CCDC180: variants seen among roughly 807,000 people sequenced by gnomAD.
CCDC180 encodes the protein coiled-coil domain-containing protein 180.
A neutral mutation model predicts 209.2 loss-of-function variants in CCDC180; 154 were observed. The ratio of observed to expected loss-of-function variants is 0.74; its 90% CI spans 0.65 to 0.84. CCDC180 has a LOEUF of 0.84. Ranked by LOEUF, CCDC180 falls within the 40% of genes least tolerant of loss-of-function variation. The pLI is 0.00. For synonymous variants in CCDC180, 778 were observed against 749.1 expected, an observed-to-expected ratio of 1.04 and a Z score of -0.63; for missense variants, 1,874 against 1,997.3, an observed-to-expected ratio of 0.94 and a Z score of 1.18.
rs1827292172 is a variant in CCDC180 at position 97,377,568 on chromosome 9, C to T, written c.*674C>T. On this transcript the variant is annotated 3_prime_UTR_variant, in exon 37 of 37. Coordinates refer to ENST00000529487, the MANE Select transcript of CCDC180 (RefSeq NM_020893.6). ...TGGACAGGTTTCCTCAGCCATAGAC[C>T]TAGGAGGCCCCAGCTCCCAAATTTC... is the stretch of plus-strand genomic sequence containing the variant. 6.6e-6 allele frequency: 1 copy of T among 152,274 alleles called. No homozygotes were observed. Among genetic ancestry groups the T allele is most frequent in the Non-Finnish European group, 1.5e-5 (1 of 68,130 alleles). The allele number at this position is 152,274 out of a possible 1,614,324, so 9.4% of individuals were successfully genotyped here.
intron 19 of CCDC180, chr9:97,345,600 C>T (rs747993944): frequency 9.4e-6 from 4 of 423,968 alleles, no homozygotes; most frequent in South Asian, 6.8e-5. Flanking sequence ...ATTATATATT[C>T]TGTAGCCGGG....
chr9:97,371,887 A>G, intron 34 of CCDC180, 181 bp downstream of exon 34: 2 of 450,774 alleles, frequency 4.4e-6, no homozygotes, highest in Non-Finnish European at 8.1e-6. Context: ...CAGATGGCTC[A>G]ACGTTTATAT....
At position 97,318,602 on chromosome 9, in the gene CCDC180, C is replaced by G. The variant is rs1206804161; in HGVS notation, c.1079+20C>G. On this transcript the variant is annotated intron_variant, in intron 10 of 36. Transcript: ENST00000529487. ...CATCTGGTATGGGCAGGAGGGGCGGCCCAGGAGGGGTGCTTCTTGGGGTGC... is the reference window on the plus strand; with the variant it reads ...CATCTGGTATGGGCAGGAGGGGCGGGCCAGGAGGGGTGCTTCTTGGGGTGC... 1 of 1,608,940 alleles carries G rather than the reference C, an allele frequency of 6.2e-7. No individual in the cohort carries two copies. The highest frequency in any genetic ancestry group is 2.2e-5 in the East Asian group (1 of 44,786).
intron 11 of CCDC180, 115 bp from the exon 12 acceptor site, chr9:97,322,718 C>A: frequency 2.4e-6 from 2 of 850,986 alleles, no homozygotes; most frequent in Non-Finnish European, 3.9e-6. Flanking sequence ...GACCACTGAT[C>A]TTCACCTAAA....
In CCDC180 at chr9:97,328,109, T is replaced by A; in HGVS notation, c.1751T>A (p.Leu584His). The change falls in exon 16 of 37, where the codon CTC (leucine) becomes CAC (histidine). Residue 584 changes from leucine to histidine, a missense_variant. Transcript: ENST00000529487. ...GAACTCAACTCCTACAGCTCTGCCC[T>A]CAGCCAATACTTCTTTGTGCGTGAA... ...LKELNSYSSALSQYFFVREIF... is the reference protein window; with the variant it reads ...LKELNSYSSAHSQYFFVREIF... 6.2e-7 allele frequency: 1 copy of A among 1,614,042 alleles called. No homozygotes were observed. Among genetic ancestry groups the A allele is most frequent in the Non-Finnish European group, 8.5e-7 (1 of 1,179,950 alleles).
intron 27 of CCDC180, 139 bp downstream of exon 27, chr9:97,362,037 GCTTCCCCACCC>G (rs1826769860): frequency 1.5e-6 from 2 of 1,373,794 alleles, no homozygotes; most frequent in Non-Finnish European, 2.0e-6. Flanking sequence ...CAGGCAAAGG[GCTTCCCCACCC>G]AGAGCCCCAG....
chr9:97,354,124 A>G (rs978360240), intron 22 of CCDC180, among the ~76,000 whole-genome samples: 6 of 151,418 alleles, frequency 4.0e-5, no homozygotes, highest in Non-Finnish European at 7.4e-5. Flanking sequence ...CAGCCTCCCA[A>G]GTAGTTGGAA....
intron 18 of CCDC180, among the ~76,000 whole-genome samples, chr9:97,342,110 C>T (rs772593370): frequency 2.6e-5 from 4 of 152,232 alleles, no homozygotes; most frequent in Non-Finnish European, 4.4e-5. Context: ...AAAGGGAAAT[C>T]CCCCGACCCC....
In CCDC180 at chr9:97,318,536, C is replaced by T. The variant is rs1220501115; in HGVS notation, c.1033C>T (p.Gln345Ter). 6.2e-7 allele frequency: 1 copy of T among 1,613,702 alleles called. No individual in the cohort carries two copies. The highest frequency in any genetic ancestry group is 2.2e-5 in the East Asian group (1 of 44,870). Residue 345 changes from glutamine (Q) to a stop codon, truncating the protein, a stop_gained, in exon 10 of 37, where the codon CAG (glutamine) becomes TAG (stop). Coordinates refer to ENST00000529487, the MANE Select transcript of CCDC180 (RefSeq NM_020893.6). LOFTEE classifies it high-confidence loss of function. ...GGAGCTAGAGGTCATGCTGAAGACC[C>T]AGAACGTCCTGCAGCAAAGGCGGCT... Reference protein sequence around the residue: ...TKELEVMLKTQNVLQQRRLKH... With the variant: ...TKELEVMLKT
chr9:97,307,651 G>C, upstream of CCDC180: 1 of 1,342,696 alleles, frequency 7.4e-7, no homozygotes, highest in Non-Finnish European at 1.1e-6. Flanking sequence ...AGTCCCAACC[G>C]ACACCTTGAG....
chr9:97,314,713 C>G lies in CCDC180; in HGVS notation c.684C>G (p.Phe228Leu), dbSNP rs774039301. The change falls in exon 7 of 37, where the codon TTC becomes TTG. Residue 228 changes from phenylalanine (F) to leucine (L), a missense_variant. Phe to Leu is a conservative substitution (Grantham distance 22, BLOSUM62 0). Transcript: ENST00000529487. Reference sequence around the variant, plus strand: ...ATGAGGCCCTGCACTCGCTGGAGTTCTCCCGAACCGATAAAGTAAGTCGGC... The same window carrying G: ...ATGAGGCCCTGCACTCGCTGGAGTTGTCCCGAACCGATAAAGTAAGTCGGC... ...ELDEALHSLE[F>L]SRTDKLKSVL... The G allele has an allele frequency of 8.7e-6, 14 of 1,613,712 alleles. 1 individual carries two copies. In the South Asian group the frequency reaches 1.5e-4, roughly 18 times the overall value.
intron 24 of CCDC180, among the ~76,000 whole-genome samples, chr9:97,357,182 T>A (rs947253442): frequency 1.3e-5 from 2 of 152,222 alleles, no homozygotes; most frequent in Non-Finnish European, 2.9e-5. Context: ...GAGCATGACC[T>A]TTCTACGGCT....
Position 97,371,723 on chromosome 9 carries a change from G to T in CCDC180, c.4600+17G>T. ...AGGTTGCAAGTAAGAGGCACCACCA[G>T]CCTTGTGTCATGGCCCTGGGGGGCT... On this transcript the variant is annotated intron_variant, in intron 34 of 36. Coordinates refer to ENST00000529487, the MANE Select transcript of CCDC180 (RefSeq NM_020893.6). The T allele has an allele frequency of 6.5e-7, 1 of 1,542,336 alleles. No individual in the cohort carries two copies. The highest frequency in any genetic ancestry group is 8.9e-7 in the Non-Finnish European group (1 of 1,120,548).
intron 31 of CCDC180, among the ~76,000 whole-genome samples, chr9:97,368,154 T>C (rs1826978835): frequency 6.6e-6 from 1 of 152,224 alleles, no homozygotes; most frequent in Admixed American, 6.5e-5. Context: ...TAAAAACATG[T>C]AAAATGCTGC....
At position 97,366,442 on chromosome 9, in the gene CCDC180, G is replaced by A; in HGVS notation, c.4048-117G>A. Reference sequence around the variant, plus strand: ...GTGTCTGCTCGTGTCACTTCCACAGGGGATGCCACGAGCAAAGGCTAGGGA... The same window carrying A: ...GTGTCTGCTCGTGTCACTTCCACAGAGGATGCCACGAGCAAAGGCTAGGGA... On this transcript the variant is annotated intron_variant, in intron 30 of 36. Coordinates refer to ENST00000529487, the MANE Select transcript of CCDC180 (RefSeq NM_020893.6). The surrounding 1 kb of genome is among the most constrained non-coding windows in gnomAD (Gnocchi z 4.3). 2.8e-6 allele frequency: 3 copies of A among 1,059,456 alleles called. No individual in the cohort carries two copies. Among genetic ancestry groups the A allele is most frequent in the Non-Finnish European group, 2.7e-6 (2 of 731,398 alleles). 65.6% of individuals were successfully genotyped at this position (1,059,456 alleles called of 1,614,324 possible).
At chr9:97,322,784 A>C in intron 11 of CCDC180, 49 bp from the exon 12 acceptor site, 2 of 1,530,560 alleles carry the variant, frequency 1.3e-6, no homozygotes, top group Non-Finnish European at 9.0e-7. Flanking sequence ...TCCCCTTTCT[A>C]ATCTTCTCTT....
chr9:97,351,061 T>C (rs1346020379), intron 22 of CCDC180, among the ~76,000 whole-genome samples: 1 of 152,244 alleles, frequency 6.6e-6, no homozygotes, highest in Non-Finnish European at 1.5e-5. Context: ...TCATCTTTGA[T>C]GGGCATTTGG....
In CCDC180 at chr9:97,349,237, G is replaced by A. The variant is rs562724882; in HGVS notation, c.2801G>A (p.Arg934His). Residue 934 changes from arginine (R) to histidine (H), a missense_variant, in exon 21 of 37, where the codon CGC becomes CAC. By Grantham distance (29) the Arg-to-His change is conservative. Transcript: ENST00000529487. ...EEQNVRSKNF[R>H]LKIYDMEHIF... ...CAAAACGTGAGGAGCAAAAACTTCC[G>A]CCTTAAGATCTATGACATGGAGCAC... 2.1e-4 allele frequency: 324 copies of A among 1,536,638 alleles called. 1 individual carries two copies. In the South Asian group the frequency reaches 2.7e-3, roughly 13 times the overall value.
intron 19 of CCDC180, chr9:97,343,782 C>T (rs1247628854): frequency 1.9e-6 from 1 of 537,856 alleles, no homozygotes; most frequent in Non-Finnish European, 3.3e-6. Flanking sequence ...CCCCCTGCAC[C>T]CACCTCAGGA....
Sources: allele counts gnomAD v4.1 joint callset (sites outside exome capture counted in the v4.1 genomes callset), GRCh38; gene constraint gnomAD v4.1.1; non-coding constraint Gnocchi (gnomAD v3.1); transcripts MANE v1.5; gene names NCBI Gene and HGNC (gene_info 2026-07-23, HGNC 2026-07-21).